The following ZC3H12B variants were observed in gnomAD, a reference collection of about 807,000 sequenced individuals.
ZC3H12B encodes zinc finger CCCH-type containing 12B, also known as probable ribonuclease ZC3H12B.
ZC3H12B carries 7 observed loss-of-function variants against 43.9 expected under a neutral mutation model. The ratio of observed to expected loss-of-function variants is 0.16; its 90% CI spans 0.09 to 0.30. The LOEUF is 0.30. Among genes scored for constraint, ZC3H12B ranks in the 10% least tolerant of loss-of-function variants. The probability of loss-of-function intolerance (pLI) is 1.00; values close to 1 mark genes in which losing one functional copy is unlikely to be tolerated. For missense variants in ZC3H12B, 475 were observed against 670.2 expected (o/e 0.71, Z 3.22); for synonymous variants, 222 against 241.7 (o/e 0.92, Z 0.76).
At chrX:65,380,318 A>G (rs1384677289) in intron 2 of ZC3H12B, among the ~76,000 whole-genome samples, 1 of 112,100 alleles carries the variant, frequency 8.9e-6, no homozygotes, top group Non-Finnish European at 1.9e-5. Flanking sequence ...TTCTTAAAGA[A>G]AAGAATTTTC....
chrX:65,344,427 T>C, the ZC3H12B span, among the ~76,000 whole-genome samples: 1 of 111,637 alleles, frequency 9.0e-6, no homozygotes, highest in East Asian at 2.8e-4. Context: ...CACACCTAAG[T>C]CATATGATCT....
At chrX:65,291,325 T>C in the ZC3H12B span, among the ~76,000 whole-genome samples, 1 of 111,975 alleles carries the variant, frequency 8.9e-6, no homozygotes, top group African/African-American at 3.2e-5. Flanking sequence ...AAAATGGTGA[T>C]TTTAACGAGA....
the ZC3H12B span, among the ~76,000 whole-genome samples, chrX:65,078,427 G>A: frequency 8.9e-6 from 1 of 112,087 alleles, no homozygotes; most frequent in Non-Finnish European, 1.9e-5. Context: ...AAGGAGATGA[G>A]AATGAGTAGC....
chrX:65,467,359 G>A (rs1302758231), intron 3 of ZC3H12B, among the ~76,000 whole-genome samples: 2 of 110,750 alleles, frequency 1.8e-5, no homozygotes, highest in Non-Finnish European at 3.8e-5. Flanking sequence ...TTGTTGGTGG[G>A]CACTTATGTT....
chrX:65,416,968 GAT>G (rs1246316613), intron 3 of ZC3H12B, among the ~76,000 whole-genome samples: 3 of 111,499 alleles, frequency 2.7e-5, no homozygotes, highest in Non-Finnish European at 5.6e-5. Flanking sequence ...CATTCCAAGA[GAT>G]ATGATTTAGT....
chrX:65,378,853 A>T (rs996915074), intron 2 of ZC3H12B, among the ~76,000 whole-genome samples: 6 of 112,518 alleles, frequency 5.3e-5, no homozygotes, highest in Non-Finnish European at 9.4e-5. Context: ...GACAGACGGC[A>T]CCTGGAAAAT....
At chrX:65,162,151 G>A in the ZC3H12B span, among the ~76,000 whole-genome samples, 2 of 111,151 alleles carry the variant, frequency 1.8e-5, no homozygotes, top group African/African-American at 6.5e-5. Context: ...TAGTCTGATG[G>A]GCTTCCCTTT....
the ZC3H12B span, among the ~76,000 whole-genome samples, chrX:65,231,330 C>T: frequency 9.0e-6 from 1 of 111,094 alleles, no homozygotes; most frequent in South Asian, 3.9e-4. Flanking sequence ...GATGAGGGTC[C>T]ATGTCTCACT....
the ZC3H12B span, among the ~76,000 whole-genome samples, chrX:65,192,569 A>G: frequency 1.8e-5 from 2 of 111,352 alleles, no homozygotes; most frequent in Non-Finnish European, 3.8e-5. Context: ...GATGTTGAAT[A>G]TTATCAAATG....
chrX:65,094,841 T>C, the ZC3H12B span, among the ~76,000 whole-genome samples: 18 of 112,257 alleles, frequency 1.6e-4, no homozygotes, highest in African/African-American at 5.8e-4. Flanking sequence ...TGAAGACATA[T>C]GGTGGTTGCC....
At chrX:65,453,861 G>T (rs1602470529) in intron 3 of ZC3H12B, among the ~76,000 whole-genome samples, 1 of 111,952 alleles carries the variant, frequency 8.9e-6, no homozygotes, top group Admixed American at 9.5e-5. Flanking sequence ...TGGGAGCTAA[G>T]CTATAACGAT....
At chrX:65,122,399 A>G in the ZC3H12B span, among the ~76,000 whole-genome samples, 17 of 111,455 alleles carry the variant, frequency 1.5e-4, no homozygotes, top group African/African-American at 5.5e-4. Flanking sequence ...TAACATGGAA[A>G]GGAACAACCA....
At chrX:65,178,008 A>C in the ZC3H12B span, among the ~76,000 whole-genome samples, 1 of 112,152 alleles carries the variant, frequency 8.9e-6, no homozygotes, top group Non-Finnish European at 1.9e-5. Context: ...CCTGACTTCA[A>C]ACTATACTAC....
At chrX:65,041,057 C>T in the ZC3H12B span, among the ~76,000 whole-genome samples, 1 of 112,585 alleles carries the variant, frequency 8.9e-6, no homozygotes, top group Non-Finnish European at 1.9e-5. Flanking sequence ...GGATTACAGG[C>T]GTGAGCCATC....
intron 3 of ZC3H12B, among the ~76,000 whole-genome samples, chrX:65,460,697 C>T (rs1208288374): frequency 8.9e-6 from 1 of 111,817 alleles, no homozygotes; most frequent in Non-Finnish European, 1.9e-5. Context: ...ACACCTTATA[C>T]TAAAATTAAT....
At chrX:65,144,679 C>T in the ZC3H12B span, among the ~76,000 whole-genome samples, 189 of 111,454 alleles carry the variant, frequency 1.7e-3, no homozygotes, top group Non-Finnish European at 3.3e-3. Context: ...TCACTATGGT[C>T]ATTCAGTTGA....
chrX:65,386,432 G>A (rs922621406), intron 2 of ZC3H12B, among the ~76,000 whole-genome samples: 18 of 111,754 alleles, frequency 1.6e-4, no homozygotes, highest in East Asian at 8.3e-4. Flanking sequence ...GTTTGTTTGC[G>A]TAGAGGTGTT....
At chrX:65,161,791 T>C in the ZC3H12B span, among the ~76,000 whole-genome samples, 4 of 111,970 alleles carry the variant, frequency 3.6e-5, no homozygotes, top group Admixed American at 9.5e-5. Context: ...TTGTGTGAAC[T>C]TGATCTTGTC....
the ZC3H12B span, among the ~76,000 whole-genome samples, chrX:65,153,236 A>T: frequency 3.6e-5 from 4 of 112,131 alleles, no homozygotes; most frequent in African/African-American, 1.3e-4. Flanking sequence ...GACAAATGGG[A>T]TCTAATTAAA....
Sources: gnomAD v4.1 joint callset for allele counts (sites outside exome capture counted in the v4.1 genomes callset) on GRCh38, gnomAD v4.1.1 for gene constraint, MANE v1.5 for transcripts, NCBI Gene and HGNC (gene_info 2026-07-23, HGNC 2026-07-21) for gene names.